The following MICU3 variants were observed in gnomAD, a reference collection of about 807,000 sequenced individuals.
The protein encoded by MICU3 is mitochondrial calcium uptake 3.
Under a neutral mutation model 66.5 loss-of-function variants are expected in MICU3, and 62 were observed. That is an observed-to-expected ratio of 0.93 (90% confidence interval 0.76 to 1.15). The LOEUF is 1.15. Among genes scored for constraint, MICU3 ranks in the 50% most tolerant of loss-of-function variants. The probability of loss-of-function intolerance (pLI) is 0.00; values close to 1 mark genes in which losing one functional copy is unlikely to be tolerated. For synonymous variants in MICU3, 308 were observed against 240.7 expected, an observed-to-expected ratio of 1.28 and a Z score of -2.59; for missense variants, 779 against 664.4, an observed-to-expected ratio of 1.17 and a Z score of -1.90.
chr8:17,038,347 T>C (rs1813414051), intron 1 of MICU3, among the ~76,000 whole-genome samples: 1 of 152,164 alleles, frequency 6.6e-6, no homozygotes, highest in South Asian at 2.1e-4. Flanking sequence ...CAAGATCTGA[T>C]GGTTTTATAA....
the MICU3 span, chr8:17,131,570 G>A: frequency 6.6e-6 from 1 of 152,354 alleles, no homozygotes; most frequent in African/African-American, 2.4e-5. Flanking sequence ...AAAAGATGTG[G>A]GGAGCAGTGA....
At chr8:17,071,555 A>C (rs924627087) in intron 3 of MICU3, among the ~76,000 whole-genome samples, 3 of 152,138 alleles carry the variant, frequency 2.0e-5, no homozygotes, top group Non-Finnish European at 2.9e-5. Flanking sequence ...GGACTTCAAC[A>C]TATGAATCGG....
At chr8:17,079,777 G>A (rs1469430996) in intron 4 of MICU3, among the ~76,000 whole-genome samples, 1 of 151,992 alleles carries the variant, frequency 6.6e-6, no homozygotes, top group Non-Finnish European at 1.5e-5. Context: ...TTATAGGTGT[G>A]AGCCACCATG....
chr8:17,123,979 G>A (rs1020941898), downstream of MICU3, among the ~76,000 whole-genome samples: 5 of 144,276 alleles, frequency 3.5e-5, no homozygotes, highest in African/African-American at 7.6e-5. Flanking sequence ...CCATCCCTCT[G>A]TTGTGCTTCT....
At chr8:17,107,959 G>A (rs1801880416) in intron 11 of MICU3, among the ~76,000 whole-genome samples, 1 of 152,180 alleles carries the variant, frequency 6.6e-6, no homozygotes, top group Admixed American at 6.5e-5. Flanking sequence ...TACTGTTATA[G>A]GTGCCCAGGC....
intron 11 of MICU3, among the ~76,000 whole-genome samples, chr8:17,106,923 C>T (rs765107050): frequency 5.9e-5 from 9 of 152,044 alleles, no homozygotes; most frequent in East Asian, 1.9e-4. Flanking sequence ...CCCCTCCTTC[C>T]GCCTACTTAA....
At chr8:17,078,734 A>G (rs541356029) in intron 4 of MICU3, among the ~76,000 whole-genome samples, 1 of 152,202 alleles carries the variant, frequency 6.6e-6, no homozygotes, top group Non-Finnish European at 1.5e-5. Flanking sequence ...GTAGAATTAG[A>G]AAGTTCATAT....
intron 8 of MICU3, among the ~76,000 whole-genome samples, chr8:17,094,175 G>A (rs183040497): frequency 5.9e-5 from 9 of 151,954 alleles, no homozygotes; most frequent in Admixed American, 1.3e-4. Context: ...TTTCTGTCTC[G>A]TTTCTTGGAC....
intron 7 of MICU3, among the ~76,000 whole-genome samples, chr8:17,088,496 T>C (rs1489608251): frequency 1.3e-5 from 2 of 151,980 alleles, no homozygotes; most frequent in Admixed American, 6.6e-5. Context: ...ATATATTACC[T>C]CTAACTATAA....
At chr8:17,081,569 T>G (rs1821186634) in intron 4 of MICU3, 124 bp from the exon 5 acceptor site, 1 of 356,030 alleles carries the variant, frequency 2.8e-6, no homozygotes, top group Non-Finnish European at 5.2e-6. Context: ...TATGATTTTA[T>G]AATAATGATT....
chr8:17,104,512 T>G (rs939379138), intron 10 of MICU3, 21 bp downstream of exon 10: 5 of 1,183,978 alleles, frequency 4.2e-6, no homozygotes, highest in Non-Finnish European at 5.8e-6. Flanking sequence ...TTTTATATTT[T>G]TATTAAAAAT....
intron 2 of MICU3, among the ~76,000 whole-genome samples, chr8:17,066,774 T>C (rs1818785019): frequency 6.6e-6 from 1 of 151,930 alleles, no homozygotes; most frequent in Non-Finnish European, 1.5e-5. Context: ...CTTGAACTCC[T>C]GGGCTCGAGC....
chr8:17,058,690 C>T (rs1479708607), intron 1 of MICU3, among the ~76,000 whole-genome samples: 5 of 152,202 alleles, frequency 3.3e-5, no homozygotes, highest in African/African-American at 4.8e-5. Flanking sequence ...CCGCCTCTTT[C>T]TCAGAGTTTC....
intron 7 of MICU3, among the ~76,000 whole-genome samples, chr8:17,089,847 C>A (rs984708354): frequency 6.6e-6 from 1 of 151,956 alleles, no homozygotes; most frequent in Admixed American, 6.6e-5. Flanking sequence ...GTTAGTAGAA[C>A]CATGTAGCTA....
chr8:17,069,290 C>T (rs886879321), intron 2 of MICU3, among the ~76,000 whole-genome samples: 1 of 152,004 alleles, frequency 6.6e-6, no homozygotes, highest in Non-Finnish European at 1.5e-5. Context: ...ACAAGTAATA[C>T]CTTAAAATTA....
chr8:17,037,840 G>A (rs539500521), intron 1 of MICU3, among the ~76,000 whole-genome samples: 14 of 152,252 alleles, frequency 9.2e-5, no homozygotes, highest in Non-Finnish European at 1.9e-4. Flanking sequence ...TCTTGGATCA[G>A]TGTGACCTGG....
chr8:17,131,925 T>C, the MICU3 span: 2 of 152,172 alleles, frequency 1.3e-5, no homozygotes, highest in East Asian at 3.9e-4. Context: ...ATAAACAGCA[T>C]AGTCTGCCCC....
chr8:17,047,587 G>C (rs1385786263), intron 1 of MICU3, among the ~76,000 whole-genome samples: 3 of 152,220 alleles, frequency 2.0e-5, no homozygotes, highest in Admixed American at 6.5e-5. Context: ...AGACAGGACA[G>C]ACTTCCTACA....
rs1819259436 is a variant in MICU3 at position 17,069,709 on chromosome 8, TTTCC to T, written c.558_561del (p.Ser187AsnfsTer4). On this transcript the variant is annotated frameshift_variant, in exon 3 of 15. Coordinates refer to ENST00000318063, the MANE Select transcript of MICU3 (RefSeq NM_181723.3). LOFTEE classifies it high-confidence loss of function. ...TTAGTTGCCAAAACTTGGAAGTCAC[TTTCC>T]AAACAGGTGAGTTAAAGCTCTTGGT... 6.5e-7 allele frequency: 1 copy of T among 1,545,024 alleles called. No individual in the cohort carries two copies. The highest frequency in any genetic ancestry group is 1.4e-5 in the African/African-American group (1 of 72,714).
Sources: gnomAD v4.1 joint callset for allele counts (sites outside exome capture counted in the v4.1 genomes callset) on GRCh38, gnomAD v4.1.1 for gene constraint, MANE v1.5 for transcripts, NCBI Gene and HGNC (gene_info 2026-07-23, HGNC 2026-07-21) for gene names.